Variants in ZNF75D observed in about 807,000 individuals in gnomAD.
ZNF75D encodes the protein zinc finger protein 75.
Under a neutral mutation model 33.3 loss-of-function variants are expected in ZNF75D, and 33 were observed. The ratio of observed to expected loss-of-function variants is 0.99; its 90% CI spans 0.75 to 1.32. The LOEUF (loss-of-function observed/expected upper bound fraction) is 1.32, where lower values mean the gene tolerates loss of function less well. Among genes scored for constraint, ZNF75D ranks in the 40% most tolerant of loss-of-function variants. The pLI, the probability that ZNF75D is intolerant of heterozygous loss-of-function variation, is 0.00. For missense variants in ZNF75D, 338 were observed against 367.5 expected (o/e 0.92, Z 0.66); for synonymous variants, 113 against 130.6 (o/e 0.87, Z 0.92).
intron 1 of ZNF75D, among the ~76,000 whole-genome samples, chrX:135,309,240 A>G (rs1161700020): frequency 8.9e-6 from 1 of 112,015 alleles, no homozygotes. Flanking sequence ...GATCAGATTG[A>G]TACAACAGTG....
At chrX:135,265,892 A>T (rs2083861182) in intron 1 of ZNF75D, among the ~76,000 whole-genome samples, 1 of 112,315 alleles carries the variant, frequency 8.9e-6, no homozygotes, top group African/African-American at 3.2e-5. Flanking sequence ...GAAAGAAAAT[A>T]ATAACTGCAA....
intron 1 of ZNF75D, among the ~76,000 whole-genome samples, chrX:135,339,695 G>A (rs1373360725): frequency 1.8e-5 from 2 of 112,081 alleles, no homozygotes; most frequent in African/African-American, 6.5e-5. Flanking sequence ...ATATATCCTG[G>A]AGTTGTGCAG....
rs2084534365 is a variant in ZNF75D at position 135,324,335 on chromosome X, C to T, written c.-391+17433G>A. 3.6e-5 allele frequency among the ~76,000 whole-genome samples: 4 copies of T among 111,884 alleles called. No homozygotes were observed. The South Asian group carries it at 1.1e-3, about 31-fold the overall frequency. On this transcript the variant is annotated intron_variant, in intron 1 of 6. Coordinates refer to ENST00000370766, the MANE Select transcript of ZNF75D (RefSeq NM_007131.5). ...TAGTGACTATGTTCTTAATCCAGGC[C>T]AGGTAAAGTGGAAAACATTTGAACT...
At chrX:135,325,851 G>A (rs1372417184) in intron 1 of ZNF75D, among the ~76,000 whole-genome samples, 4 of 112,800 alleles carry the variant, frequency 3.5e-5, no homozygotes, top group Non-Finnish European at 7.5e-5. Context: ...CGCATCGCGT[G>A]GGACTGGCAG....
At chrX:135,262,157 G>C (rs782481524) in intron 1 of ZNF75D, among the ~76,000 whole-genome samples, 77 of 112,283 alleles carry the variant, frequency 6.9e-4, no homozygotes, top group African/African-American at 2.5e-3. Flanking sequence ...TCTTCCGAGA[G>C]ATCCACTGTT....
intron 1 of ZNF75D, among the ~76,000 whole-genome samples, chrX:135,317,380 T>A (rs2084434032): frequency 8.9e-6 from 1 of 111,782 alleles, no homozygotes; most frequent in Non-Finnish European, 1.9e-5. Flanking sequence ...AGCATGCCTG[T>A]CCTTGGGTCC....
At chrX:135,259,488 T>C (rs1202005856) in intron 1 of ZNF75D, among the ~76,000 whole-genome samples, 5 of 111,775 alleles carry the variant, frequency 4.5e-5, no homozygotes, top group Non-Finnish European at 9.4e-5. Context: ...TGGTTTCTAG[T>C]TCTCCTTGAA....
At position 135,343,017 on chromosome X, in the gene ZNF75D, C is replaced by T. The variant is rs1556445658; in HGVS notation, c.-1640G>A. ...CGTGGAAACCAAAAGCAATAGCACA[C>T]TCTTCACTGCACTGGGGGGAAATCT... On this transcript the variant is annotated 5_prime_UTR_variant, in exon 1 of 7. In the 5' UTR this introduces an upstream ATG that the reference lacks. Transcript: ENST00000370766. 9.0e-6 allele frequency: 1 copy of T among 111,691 alleles called. No homozygotes were observed. Among genetic ancestry groups the T allele is most frequent in the Non-Finnish European group, 1.9e-5 (1 of 53,186 alleles). 9.2% of individuals were successfully genotyped at this position (111,691 alleles called of 1,213,427 possible). A position where few individuals can be genotyped will look rare whatever the true frequency, so the allele number is the denominator to read the frequency against.
rs191087091 is a variant in ZNF75D, at chrX:135,340,780, A to G, written c.-391+988T>C. On this transcript the variant is annotated intron_variant, in intron 1 of 6. Coordinates refer to ENST00000370766, the MANE Select transcript of ZNF75D (RefSeq NM_007131.5). ...AAAAAACATACGTCTCGTGACTGAG[A>G]AACAGATTTGTGAGAGGAGCCCCTG... 3.1e-4 allele frequency among the ~76,000 whole-genome samples: 35 copies of G among 112,033 alleles called. 1 individual carries two copies. In the East Asian group the frequency reaches 8.9e-3, roughly 29 times the overall value.
intron 1 of ZNF75D, chrX:135,297,307 G>T (rs1381544290): frequency 8.9e-6 from 1 of 112,243 alleles, no homozygotes; most frequent in Non-Finnish European, 1.9e-5. Flanking sequence ...CTCCCCAAAG[G>T]TGTGTAAAAG....
intron 1 of ZNF75D, among the ~76,000 whole-genome samples, chrX:135,327,436 C>T (rs1249151584): frequency 8.9e-6 from 1 of 111,968 alleles, no homozygotes; most frequent in African/African-American, 3.2e-5. Flanking sequence ...TGGTTAAGTG[C>T]CAACAGGAGT....
chrX:135,288,142 C>T (rs1364960950), intron 6 of ZNF75D, among the ~76,000 whole-genome samples: 1 of 111,830 alleles, frequency 8.9e-6, no homozygotes, highest in Non-Finnish European at 1.9e-5. Context: ...GGCTTATATC[C>T]CCACACCCAA....
chrX:135,306,384 A>G (rs782740934), intron 1 of ZNF75D, among the ~76,000 whole-genome samples: 279 of 111,428 alleles, frequency 2.5e-3, no homozygotes, highest in Non-Finnish European at 3.4e-3. Context: ...AATGTCAGCT[A>G]TATCATTTCT....
chrX:135,333,815 A>T (rs5930689), intron 1 of ZNF75D, among the ~76,000 whole-genome samples: 1 of 110,888 alleles, frequency 9.0e-6, no homozygotes, highest in Non-Finnish European at 1.9e-5. Flanking sequence ...CAGTCTAAAA[A>T]ATCTCAGTCT....
Position 135,344,042 on chromosome X carries a change from T to C in ZNF75D, c.-2665A>G, listed in dbSNP as rs782287991. On this transcript the variant is annotated 5_prime_UTR_variant, in exon 1 of 7. Coordinates refer to ENST00000370766, the MANE Select transcript of ZNF75D (RefSeq NM_007131.5). ...GCGTCCACAGACCAATTTGTCAGCT[T>C]AGGACCAACGTTAGGGCTGCGTTTC... The C allele has an allele frequency of 2.7e-5, 3 of 112,261 alleles. No individual in the cohort carries two copies. Among genetic ancestry groups the C allele is most frequent in the African/African-American group, 6.5e-5 (2 of 30,859 alleles). 9.3% of individuals were successfully genotyped at this position (112,261 alleles called of 1,213,427 possible). A position where few individuals can be genotyped will look rare whatever the true frequency, so the allele number is the denominator to read the frequency against.
chrX:135,312,831 G>A (rs782290558), intron 1 of ZNF75D, among the ~76,000 whole-genome samples: 1 of 111,041 alleles, frequency 9.0e-6, no homozygotes, highest in East Asian at 2.8e-4. Context: ...TATGGCATTT[G>A]CCCACTTTTT....
At chrX:135,330,665 C>A (rs1055672922) in intron 1 of ZNF75D, 1 of 112,532 alleles carries the variant, frequency 8.9e-6, no homozygotes, top group Non-Finnish European at 1.9e-5. Flanking sequence ...CAAGCACATG[C>A]CTACACAGAA....
chrX:135,282,608 C>G (rs1011784620), downstream of ZNF75D, among the ~76,000 whole-genome samples: 6 of 111,408 alleles, frequency 5.4e-5, no homozygotes, highest in Non-Finnish European at 9.4e-5. Flanking sequence ...AACCCAGGGC[C>G]CTGGTGGCAT....
intron 1 of ZNF75D, among the ~76,000 whole-genome samples, chrX:135,324,024 C>G (rs190921805): frequency 9.2e-6 from 1 of 108,520 alleles, no homozygotes; most frequent in Non-Finnish European, 1.9e-5. Flanking sequence ...CACACACACA[C>G]GCACACCCAA....
Sources: allele counts gnomAD v4.1 joint callset (sites outside exome capture counted in the v4.1 genomes callset), GRCh38; gene constraint gnomAD v4.1.1; transcripts MANE v1.5; gene names NCBI Gene and HGNC (gene_info 2026-07-23, HGNC 2026-07-21).